PLA2G2D: variants seen among roughly 807,000 people sequenced by gnomAD.
The protein encoded by PLA2G2D is group IID secretory phospholipase A2.
Under a neutral mutation model 13.9 loss-of-function variants are expected in PLA2G2D, and 17 were observed. The observed-to-expected ratio is 1.23, with a 90% CI of 0.84 to 1.84. PLA2G2D has a LOEUF of 1.84. PLA2G2D is among the 40% of genes most tolerant of loss of function. The pLI is 0.00. For synonymous variants in PLA2G2D, 83 were observed against 69.3 expected (o/e 1.20, Z -0.98); for missense variants, 194 against 178.7 (o/e 1.09, Z -0.49).
chr1:20,112,955 G>A lies in PLA2G2D; in HGVS notation c.*1159C>T, dbSNP rs1268875734. On this transcript the variant is annotated 3_prime_UTR_variant, in exon 4 of 4. Coordinates refer to ENST00000375105, the MANE Select transcript of PLA2G2D (RefSeq NM_012400.4). Reference sequence around the variant, plus strand: ...TCCCACTAGACCAGGGCAGTATTTAGGGGAAGGAGGCAGATTGGAGCAGTT... The same window carrying A: ...TCCCACTAGACCAGGGCAGTATTTAAGGGAAGGAGGCAGATTGGAGCAGTT... 6.6e-6 allele frequency: 1 copy of A among 152,406 alleles called. No homozygotes were observed. Among genetic ancestry groups the A allele is most frequent in the East Asian group, 1.9e-4 (1 of 5,172 alleles). The allele number at this position is 152,406 out of a possible 1,614,324, so 9.4% of individuals were successfully genotyped here. A position where few individuals can be genotyped will look rare whatever the true frequency, so the allele number is the denominator to read the frequency against.
chr1:20,115,834 A>G (rs2100674511), intron 2 of PLA2G2D, among the ~76,000 whole-genome samples: 1 of 152,252 alleles, frequency 6.6e-6, no homozygotes, highest in South Asian at 2.1e-4. Flanking sequence ...TAAAACCACC[A>G]TGGGATGGAG....
chr1:20,116,599 A>G (rs570828433), intron 1 of PLA2G2D, 122 bp from the exon 2 acceptor site: 1 of 807,276 alleles, frequency 1.2e-6, no homozygotes, highest in African/African-American at 1.7e-5. Context: ...GATGATAATA[A>G]TAAAACGACA....
Position 20,115,510 on chromosome 1 carries a change from A to T in PLA2G2D, c.289T>A (p.Cys97Ser). The change falls in exon 3 of 4, where the codon TGC (cysteine) becomes AGC (serine). Residue 97 changes from cysteine to serine, a missense_variant. By Grantham distance (112) the Cys-to-Ser change is moderately radical. Transcript: ENST00000375105. ...GCCCTGAGGTCTGCGTACTCACAGC[A>T]GTGGATGTTCCCCTGGGAAAAGTTG... The part of the protein sequence containing the change: ...RYNFSQGNIH[C>S]SDKGSWCEQQ... 1 of 1,566,368 alleles carries T rather than the reference A, an allele frequency of 6.4e-7. No homozygotes were observed. The highest frequency in any genetic ancestry group is 8.8e-7 in the Non-Finnish European group (1 of 1,137,214).
chr1:20,117,646 C>A (rs1425061958), intron 1 of PLA2G2D, among the ~76,000 whole-genome samples: 3 of 152,072 alleles, frequency 2.0e-5, no homozygotes, highest in Non-Finnish European at 4.4e-5. Context: ...GGGAATGGAG[C>A]TGTGCCTGTG....
chr1:20,116,409 G>T lies in PLA2G2D; in HGVS notation c.109C>A (p.Pro37Thr), dbSNP rs768356905. 3.1e-6 allele frequency: 5 copies of T among 1,614,088 alleles called. No homozygotes were observed. In the Admixed American group the frequency reaches 8.3e-5, roughly 27 times the overall value. The change falls in exon 2 of 4, where the codon CCC becomes ACC. Residue 37 changes from proline to threonine, a missense_variant. Physicochemically the swap from Pro to Thr is conservative, Grantham distance 38. Transcript: ENST00000375105. ...CCGTAGGGCCAGTAGGAGAGGATGG[G>T]CATTTTCCCAGTCACTTGCTTGACC... ...KMVKQVTGKM[P>T]ILSYWPYGCH...
Position 20,114,066 on chromosome 1 carries a change from G to A in PLA2G2D, c.*48C>T, listed in dbSNP as rs779059382. Reference sequence around the variant, plus strand: ...CTGGTTCAGGTTAGATACTGAGGTGGGGATGCCAGAGCTCCATGCTGAGGA... The same window carrying A: ...CTGGTTCAGGTTAGATACTGAGGTGAGGATGCCAGAGCTCCATGCTGAGGA... On this transcript the variant is annotated 3_prime_UTR_variant, in exon 4 of 4. Coordinates refer to ENST00000375105, the MANE Select transcript of PLA2G2D (RefSeq NM_012400.4). The A allele has an allele frequency of 4.4e-6, 7 of 1,573,484 alleles. No homozygotes were observed. The South Asian group carries it at 4.6e-5, about 10-fold the overall frequency.
In PLA2G2D at chr1:20,114,222, G is replaced by C; in HGVS notation, c.330C>G (p.Ala110=). Residue 110 remains alanine, a synonymous_variant, in exon 4 of 4, where the codon GCC becomes GCG. Transcript: ENST00000375105. ...KGSWCEQQLC[A]CDKEVAFCLK... is the part of the protein sequence containing the mutation. ...GGCAGAAGGCCACCTCCTTGTCACA[G>C]GCACACAGCTGCTGCTCACACCAGC... 2 of 1,614,112 alleles carry C rather than the reference G, an allele frequency of 1.2e-6. No homozygotes were observed. Among genetic ancestry groups the C allele is most frequent in the Non-Finnish European group, 1.7e-6 (2 of 1,179,974 alleles).
intron 1 of PLA2G2D, among the ~76,000 whole-genome samples, chr1:20,116,926 A>C (rs1569872089): frequency 6.6e-6 from 1 of 151,956 alleles, no homozygotes; most frequent in Admixed American, 6.5e-5. Context: ...TTGCCACTGC[A>C]CTCCAGCCTG....
chr1:20,116,190 A>C, intron 2 of PLA2G2D, 143 bp downstream of exon 2: 1 of 893,930 alleles, frequency 1.1e-6, no homozygotes, highest in Non-Finnish European at 1.8e-6. Context: ...CTGGGACCGT[A>C]TTGGCACCCA....
At chr1:20,119,324 G>T (rs2017044245) in intron 1 of PLA2G2D, 135 bp downstream of exon 1, 4 of 813,794 alleles carry the variant, frequency 4.9e-6, no homozygotes, top group East Asian at 4.9e-5. Context: ...TCTTTGCAGA[G>T]GGGCAGAAGG....
intron 2 of PLA2G2D, among the ~76,000 whole-genome samples, chr1:20,116,024 GA>G (rs1309770527): frequency 3.3e-5 from 5 of 151,746 alleles, no homozygotes; most frequent in Non-Finnish European, 5.9e-5. Context: ...TGAGATAACA[GA>G]AAAAAAGAGG....
At chr1:20,116,657 C>T (rs893098313) in intron 1 of PLA2G2D, among the ~76,000 whole-genome samples, 180 bp from the exon 2 acceptor site, 4 of 152,080 alleles carry the variant, frequency 2.6e-5, no homozygotes, top group Admixed American at 6.5e-5. Flanking sequence ...CACAGTGGCT[C>T]ACGTCTGTAA....
chr1:20,116,952 C>T (rs2017000879), intron 1 of PLA2G2D, among the ~76,000 whole-genome samples: 1 of 151,918 alleles, frequency 6.6e-6, no homozygotes, highest in African/African-American at 2.4e-5. Flanking sequence ...CAGAGTGAGA[C>T]TTTGTCTCAA....
intron 2 of PLA2G2D, 85 bp from the exon 3 acceptor site, chr1:20,115,698 T>C: frequency 1.2e-6 from 1 of 854,660 alleles, no homozygotes; most frequent in Non-Finnish European, 2.0e-6. Flanking sequence ...AGAACCCGTG[T>C]CCCCACCTGG....
At position 20,111,974 on chromosome 1, in the gene PLA2G2D, T is replaced by TTTTATTTTATTTTATTTTATTTTA. The variant is rs1557766073; in HGVS notation, c.*2139_*2140insTAAAATAAAATAAAATAAAATAAA. 14 of 149,466 alleles carry TTTTATTTTATTTTATTTTATTTTA rather than the reference T, an allele frequency of 9.4e-5. No homozygotes were observed. The highest frequency in any genetic ancestry group is 2.7e-4 in the African/African-American group (11 of 40,594). The allele number at this position is 149,466 out of a possible 1,614,324, so 9.3% of individuals were successfully genotyped here. On this transcript the variant is annotated 3_prime_UTR_variant, in exon 4 of 4. Transcript: ENST00000375105. ...TTTTATTTTATTTTATTTTATTTTATTTTATTTTTTGAGACAGAGTGTCAC... is the reference window on the plus strand; with the variant it reads ...TTTTATTTTATTTTATTTTATTTTATTTTATTTTATTTTATTTTATTTTATTTATTTTTTGAGACAGAGTGTCAC...
Position 20,115,527 on chromosome 1 carries a change from G to GA in PLA2G2D, c.271dup (p.Ser91PhefsTer9). ...CTCACAGCAGTGGATGTTCCCCTGGGAAAAGTTGTATCTGTAATAGTCCTT... is the reference window on the plus strand; with the variant it reads ...CTCACAGCAGTGGATGTTCCCCTGGGAAAAAGTTGTATCTGTAATAGTCCTT... On this transcript the variant is annotated frameshift_variant, in exon 3 of 4. Transcript: ENST00000375105. LOFTEE classifies it low-confidence loss of function (END_TRUNC). 6.2e-7 allele frequency: 1 copy of GA among 1,605,446 alleles called. No individual in the cohort carries two copies. The highest frequency in any genetic ancestry group is 1.1e-5 in the South Asian group (1 of 90,866).
intron 3 of PLA2G2D, 67 bp downstream of exon 3, chr1:20,115,440 A>G (rs1201723919): frequency 2.2e-6 from 2 of 896,784 alleles, no homozygotes; most frequent in African/African-American, 3.3e-5. Flanking sequence ...CTGTGCTGTG[A>G]AGGCAGTGGG....
At chr1:20,117,506 C>T (rs1265742626) in intron 1 of PLA2G2D, among the ~76,000 whole-genome samples, 4 of 152,112 alleles carry the variant, frequency 2.6e-5, no homozygotes, top group Non-Finnish European at 4.4e-5. Context: ...ATAATAACTG[C>T]TGATTAGAAT....
chr1:20,115,021 G>A (rs2016956016), intron 3 of PLA2G2D, among the ~76,000 whole-genome samples: 1 of 152,112 alleles, frequency 6.6e-6, no homozygotes, highest in Admixed American at 6.5e-5. Flanking sequence ...TCAGTTGGAG[G>A]CAGACACTTC....
Sources: gnomAD v4.1 joint callset for allele counts (sites outside exome capture counted in the v4.1 genomes callset) on GRCh38, gnomAD v4.1.1 for gene constraint, MANE v1.5 for transcripts, NCBI Gene and HGNC (gene_info 2026-07-23, HGNC 2026-07-21) for gene names.